GPC6: variants seen among roughly 807,000 people sequenced by gnomAD.
GPC6 encodes glypican 6.
A neutral mutation model predicts 55.2 loss-of-function variants in GPC6; 14 were observed. That is an observed-to-expected ratio of 0.25 (90% CI 0.17 to 0.40). The LOEUF is 0.40. Ranked by LOEUF, GPC6 falls within the 10% of genes least tolerant of loss-of-function variation. The pLI, the probability that GPC6 is intolerant of heterozygous loss-of-function variation, is 1.00. For missense variants in GPC6, 641 were observed against 708.5 expected (o/e 0.90, Z 1.08); for synonymous variants, 278 against 259.6 (o/e 1.07, Z -0.68).
chr13:94,173,902 G>A (rs1340041448), intron 4 of GPC6, among the ~76,000 whole-genome samples: 2 of 152,152 alleles, frequency 1.3e-5, no homozygotes, highest in Non-Finnish European at 2.9e-5. Context: ...AGGATCTGTG[G>A]TAACGTAATT....
At chr13:93,997,614 C>T (rs540868740) in intron 3 of GPC6, among the ~76,000 whole-genome samples, 8 of 145,750 alleles carry the variant, frequency 5.5e-5, no homozygotes, top group South Asian at 2.3e-4. Context: ...TGTGCATGCA[C>T]GCTTGTGTAT....
At chr13:93,658,501 G>T (rs1449838888) in intron 2 of GPC6, among the ~76,000 whole-genome samples, 2 of 151,734 alleles carry the variant, frequency 1.3e-5, no homozygotes, top group African/African-American at 4.8e-5. Flanking sequence ...CCAGAAATTT[G>T]TATTTCCAGC....
intron 2 of GPC6, among the ~76,000 whole-genome samples, chr13:93,673,978 G>T (rs139080514): frequency 2.6e-5 from 4 of 151,962 alleles, no homozygotes; most frequent in East Asian, 3.9e-4. Context: ...AAGTGTAGGC[G>T]CAGTGTTTAA....
chr13:93,329,943 A>G (rs1359199), intron 1 of GPC6, among the ~76,000 whole-genome samples: 44,954 of 152,130 alleles, frequency 0.3, 7,815 homozygotes, highest in East Asian at 0.55. Context: ...GACTTAGATC[A>G]TGTTTTATTT....
At chr13:94,351,912 G>T (rs1199301962) in intron 6 of GPC6, among the ~76,000 whole-genome samples, 5 of 135,238 alleles carry the variant, frequency 3.7e-5, no homozygotes, top group Non-Finnish European at 7.6e-5. Context: ...CACCAATCAG[G>T]AAGGCTTAGA....
chr13:93,262,615 G>T (rs1244781142), intron 1 of GPC6, among the ~76,000 whole-genome samples: 1 of 152,006 alleles, frequency 6.6e-6, no homozygotes, highest in Non-Finnish European at 1.5e-5. Flanking sequence ...TAACCTAAAT[G>T]GTATCATACC....
chr13:93,908,780 T>G (rs1253592759), intron 3 of GPC6, among the ~76,000 whole-genome samples: 1 of 152,184 alleles, frequency 6.6e-6, no homozygotes, highest in East Asian at 1.9e-4. Context: ...CTTGAACAAT[T>G]CAACCTTTTC....
At chr13:93,297,990 T>A (rs1447163296) in intron 1 of GPC6, among the ~76,000 whole-genome samples, 1 of 152,192 alleles carries the variant, frequency 6.6e-6, no homozygotes, top group Non-Finnish European at 1.5e-5. Context: ...TAACAAATGT[T>A]AGGTTCACCT....
intron 1 of GPC6, among the ~76,000 whole-genome samples, chr13:93,489,139 AT>A (rs1177305109): frequency 1.3e-5 from 2 of 151,504 alleles, no homozygotes; most frequent in African/African-American, 4.8e-5. Flanking sequence ...TCTTGAATTA[AT>A]TTTTGTATAA....
intron 1 of GPC6, among the ~76,000 whole-genome samples, chr13:93,393,127 T>TATATATATATATATAGAGAGAG (rs1230857277): frequency 1.1e-5 from 1 of 87,612 alleles, no homozygotes; most frequent in African/African-American, 3.9e-5. Context: ...TATATATATA[T>TATATATATATATATAGAGAGAG]AGAGAGAGAG....
At chr13:93,952,912 T>TATATATAC (rs1555344142) in intron 3 of GPC6, among the ~76,000 whole-genome samples, 1 of 149,246 alleles carries the variant, frequency 6.7e-6, no homozygotes, top group Non-Finnish European at 1.5e-5. Context: ...TATATATGTA[T>TATATATAC]ATATATACAC....
intron 2 of GPC6, among the ~76,000 whole-genome samples, chr13:93,609,597 C>A (rs1878382623): frequency 6.6e-6 from 1 of 152,080 alleles, no homozygotes; most frequent in Non-Finnish European, 1.5e-5. Context: ...TGTTGAAAAC[C>A]CTCCCCACTG....
At chr13:93,427,727 A>G (rs1387954468) in intron 1 of GPC6, among the ~76,000 whole-genome samples, 1 of 152,078 alleles carries the variant, frequency 6.6e-6, no homozygotes, top group Non-Finnish European at 1.5e-5. Context: ...TTCATCTTTA[A>G]ACTTCCAGCC....
intron 1 of GPC6, among the ~76,000 whole-genome samples, chr13:93,476,033 T>C (rs943511009): frequency 2.6e-5 from 4 of 152,122 alleles, no homozygotes; most frequent in African/African-American, 9.7e-5. Context: ...TTAAACTATA[T>C]GGGATAGTCA....
chr13:94,224,605 G>A (rs9524374), intron 4 of GPC6, among the ~76,000 whole-genome samples: 17,939 of 152,006 alleles, frequency 0.12, 1,424 homozygotes, highest in Middle Eastern at 0.21. Flanking sequence ...CATGGAATCC[G>A]TTGCAAAATT....
At chr13:93,472,147 C>T (rs927606473) in intron 1 of GPC6, among the ~76,000 whole-genome samples, 6 of 152,148 alleles carry the variant, frequency 3.9e-5, no homozygotes, top group Non-Finnish European at 7.4e-5. Context: ...CCTGTGCAAT[C>T]GAGATTTTTC....
intron 4 of GPC6, among the ~76,000 whole-genome samples, chr13:94,206,893 G>A (rs1889919963): frequency 6.6e-6 from 1 of 152,086 alleles, no homozygotes; most frequent in African/African-American, 2.4e-5. Context: ...CAATTTGCCT[G>A]TGTATTTGCC....
At chr13:93,606,265 A>G (rs938456878) in intron 2 of GPC6, among the ~76,000 whole-genome samples, 1 of 152,216 alleles carries the variant, frequency 6.6e-6, no homozygotes, top group African/African-American at 2.4e-5. Context: ...ACATGTGCTG[A>G]CTTTCAATGA....
chr13:93,599,625 A>G (rs1184886573), intron 2 of GPC6, among the ~76,000 whole-genome samples: 1 of 152,050 alleles, frequency 6.6e-6, no homozygotes, highest in Non-Finnish European at 1.5e-5. Flanking sequence ...AGGAGGGGGG[A>G]AGCAGAGAGG....
Sources: gnomAD v4.1 joint callset for allele counts (sites outside exome capture counted in the v4.1 genomes callset) on GRCh38, gnomAD v4.1.1 for gene constraint, MANE v1.5 for transcripts, NCBI Gene and HGNC (gene_info 2026-07-23, HGNC 2026-07-21) for gene names.